MYO5C: variants seen among roughly 807,000 people sequenced by gnomAD.
MYO5C encodes myosin VC.
In MYO5C, 194 loss-of-function variants were observed where a neutral mutation model predicts 235.7. That is an observed-to-expected ratio of 0.82 (90% CI 0.73 to 0.93). The LOEUF (loss-of-function observed/expected upper bound fraction) is 0.93. Among genes scored for constraint, MYO5C ranks in the 40% least tolerant of loss-of-function variants. MYO5C has a pLI of 0.00. For synonymous variants in MYO5C, 707 were observed against 754.8 expected, an observed-to-expected ratio of 0.94 and a Z score of 1.04; for missense variants, 2,038 against 2,127.2, an observed-to-expected ratio of 0.96 and a Z score of 0.82.
intron 37 of MYO5C, 47 bp from the exon 38 acceptor site, chr15:52,205,194 C>T: frequency 6.3e-7 from 1 of 1,592,854 alleles, no homozygotes; most frequent in South Asian, 1.1e-5. Context: ...GAGACACACG[C>T]GGAACGTTCC....
rs372209124 is a variant in MYO5C, at chr15:52,229,172, G to C, written c.3168C>G (p.Gly1056=). The part of the protein sequence containing the change: ...LVEGEHVTSD[G]LKAEVARLSK... ...TCAGGCGGGCCACTTCCGCCTTCAA[G>C]CCATCAGAAGTGACGTGCTCCCCCT... Residue 1056 remains glycine, a synonymous_variant, in exon 25 of 41, where the codon GGC becomes GGG. Transcript: ENST00000261839. 3 of 1,614,072 alleles carry C rather than the reference G, an allele frequency of 1.9e-6. No homozygotes were observed. The highest frequency in any genetic ancestry group is 2.5e-6 in the Non-Finnish European group (3 of 1,180,048).
In MYO5C at chr15:52,261,125, C is replaced by G; in HGVS notation, c.1050G>C (p.Glu350Asp). The change falls in exon 10 of 41, where the codon GAG becomes GAC. Residue 350 changes from glutamate (E) to aspartate (D), a missense_variant and splice_region_variant. By Grantham distance (45) the Glu-to-Asp change is conservative. Transcript: ENST00000261839. Reference sequence around the variant, plus strand: ...AGAACACCTTCAGGTGACTGTCATCCTCCTTCAAAAACAAGCACAAGCCCC... The same window carrying G: ...AGAACACCTTCAGGTGACTGTCATCGTCCTTCAAAAACAAGCACAAGCCCC... ...AVGNERSSVS[E>D]DDSHLKVFCE... 1.2e-6 allele frequency: 2 copies of G among 1,613,422 alleles called. No homozygotes were observed. The highest frequency in any genetic ancestry group is 1.7e-6 in the Non-Finnish European group (2 of 1,179,568).
chr15:52,216,806 C>T (rs1436835365), intron 32 of MYO5C, among the ~76,000 whole-genome samples: 1 of 152,032 alleles, frequency 6.6e-6, no homozygotes, highest in Non-Finnish European at 1.5e-5. Context: ...GTGGCTACTA[C>T]AATTTAGGGT....
chr15:52,294,203 A>G (rs566160619), intron 1 of MYO5C, among the ~76,000 whole-genome samples: 97 of 152,380 alleles, frequency 6.4e-4, no homozygotes, highest in Non-Finnish European at 4.9e-4. Flanking sequence ...TTCTGGAAAT[A>G]CTGTCACCTC....
chr15:52,215,108 A>G lies in MYO5C; in HGVS notation c.3955-418T>C, dbSNP rs376948448. 6.5e-4 allele frequency among the ~76,000 whole-genome samples: 99 copies of G among 152,352 alleles called. No individual in the cohort carries two copies. The Middle Eastern group carries it at 0.014, about 21-fold the overall frequency. ...ATGTCGTAGCATGTATCAGCATTTC[A>G]TATATTCGTATGGCTGAATAATATC... On this transcript the variant is annotated intron_variant, in intron 32 of 40. Transcript: ENST00000261839.
chr15:52,269,714 G>C, intron 8 of MYO5C, 39 bp downstream of exon 8: 1 of 1,288,120 alleles, frequency 7.8e-7, no homozygotes, highest in South Asian at 1.3e-5. Context: ...TTTTTTAAGA[G>C]AAAATGGCTA....
intron 9 of MYO5C, among the ~76,000 whole-genome samples, chr15:52,262,707 A>C (rs2036722244): frequency 6.6e-6 from 1 of 152,212 alleles, no homozygotes; most frequent in African/African-American, 2.4e-5. Context: ...CCAGGAGCTC[A>C]TGCTCCACTC....
At position 52,204,974 on chromosome 15, in the gene MYO5C, G is replaced by A. The variant is rs974578190; in HGVS notation, c.4711C>T (p.Leu1571Phe). 3.1e-6 allele frequency: 5 copies of A among 1,614,252 alleles called. No homozygotes were observed. The highest frequency in any genetic ancestry group is 4.2e-6 in the Non-Finnish European group (5 of 1,180,054). Reference protein sequence around the residue: ...TMCQNGLDPELVRQAVKQLFF... With the variant: ...TMCQNGLDPEFVRQAVKQLFF... ...AGCTGCTTCACCGCCTGCCTCACAA[G>A]CTCGGGGTCCAGGCCGTTCTGGCAC... The change falls in exon 38 of 41, where the codon CTT becomes TTT. Residue 1571 changes from leucine to phenylalanine, a missense_variant. Coordinates refer to ENST00000261839, the MANE Select transcript of MYO5C (RefSeq NM_018728.4).
chr15:52,232,304 G>A (rs55967936), intron 24 of MYO5C, among the ~76,000 whole-genome samples: 2,394 of 18,508 alleles, frequency 0.13, 295 homozygotes, highest in Non-Finnish European at 0.47. Flanking sequence ...AAGGAGAGAA[G>A]GAAGGAAGGA....
intron 29 of MYO5C, 38 bp from the exon 30 acceptor site, chr15:52,221,293 C>G (rs573474940): frequency 2.1e-6 from 3 of 1,414,850 alleles, no homozygotes; most frequent in Non-Finnish European, 2.9e-6. Context: ...ATATAAAATA[C>G]TTTTATCTAT....
chr15:52,205,564 A>G (rs964380471), intron 37 of MYO5C: 1 of 344,404 alleles, frequency 2.9e-6, no homozygotes, highest in Admixed American at 4.3e-5. Flanking sequence ...AAATAGCAGT[A>G]GTAGAAGTTT....
At chr15:52,201,644 G>A (rs966375890) in intron 38 of MYO5C, among the ~76,000 whole-genome samples, 3 of 152,138 alleles carry the variant, frequency 2.0e-5, no homozygotes, top group Non-Finnish European at 4.4e-5. Context: ...GAGTATAATA[G>A]ACTATTCTTC....
At chr15:52,214,037 G>C (rs1022710651) in intron 33 of MYO5C, among the ~76,000 whole-genome samples, 1 of 152,196 alleles carries the variant, frequency 6.6e-6, no homozygotes, top group African/African-American at 2.4e-5. Context: ...CAGTAAGGCT[G>C]GGAGGAAGGG....
Position 52,196,388 on chromosome 15 carries a change from C to G in MYO5C, c.4916G>C (p.Trp1639Ser). Reference protein sequence around the residue: ...ETLEPLSQAAWLLQVKKTTDS... With the variant: ...ETLEPLSQAASLLQVKKTTDS... ...TGTGGTCTTCTTGACCTGAAGCAAC[C>G]AGGCTGCCTGAGAGAGGGGCTCCAA... The change falls in exon 39 of 41, where the codon TGG becomes TCG. Residue 1639 changes from tryptophan to serine, a missense_variant. Trp to Ser is a radical substitution (Grantham distance 177). Transcript: ENST00000261839. 1 of 1,614,188 alleles carries G rather than the reference C, an allele frequency of 6.2e-7. No individual in the cohort carries two copies. The highest frequency in any genetic ancestry group is 8.5e-7 in the Non-Finnish European group (1 of 1,180,038).
chr15:52,247,603 C>T lies in MYO5C; in HGVS notation c.1747-11G>A. 6.2e-7 allele frequency: 1 copy of T among 1,613,464 alleles called. No individual in the cohort carries two copies. Among genetic ancestry groups the T allele is most frequent in the South Asian group, 1.1e-5 (1 of 91,018 alleles). The stretch of plus-strand genomic sequence containing the variant: ...GGCACAGAGATGAAACTGGAAGGAA[C>T]AGAGAGGATCTCAATGTCCAAAAGC... On this transcript the variant is annotated splice_polypyrimidine_tract_variant and intron_variant, in intron 14 of 40. Transcript: ENST00000261839.
At chr15:52,194,165 C>T in intron 40 of MYO5C, 111 bp from the exon 41 acceptor site, 2 of 983,932 alleles carry the variant, frequency 2.0e-6, no homozygotes, top group Non-Finnish European at 3.0e-6. Flanking sequence ...GCTCCTTGCA[C>T]CATCACATGA....
intron 38 of MYO5C, among the ~76,000 whole-genome samples, chr15:52,198,377 A>C (rs2035103330): frequency 6.6e-6 from 1 of 152,172 alleles, no homozygotes. Context: ...AAGGATTAGC[A>C]ATGCCCCATG....
At chr15:52,255,676 G>A (rs138377530) in intron 11 of MYO5C, among the ~76,000 whole-genome samples, 106 of 152,072 alleles carry the variant, frequency 7.0e-4, no homozygotes, top group African/African-American at 2.5e-3. Flanking sequence ...ATTCAATAAA[G>A]TTCTTGCATC....
chr15:52,244,591 T>A, intron 18 of MYO5C, 24 bp from the exon 19 acceptor site: 1 of 1,518,434 alleles, frequency 6.6e-7, no homozygotes, highest in Non-Finnish European at 9.1e-7. Context: ...ATGATATAGT[T>A]AGAATTAAAA....
Sources: gnomAD v4.1 joint callset for allele counts (sites outside exome capture counted in the v4.1 genomes callset) on GRCh38, gnomAD v4.1.1 for gene constraint, MANE v1.5 for transcripts, NCBI Gene and HGNC (gene_info 2026-07-23, HGNC 2026-07-21) for gene names.